The following FAM135B variants were observed in gnomAD, a reference collection of about 807,000 sequenced individuals.
FAM135B encodes protein FAM135B.
FAM135B carries 43 observed loss-of-function variants against 127.7 expected under a neutral mutation model. The observed-to-expected ratio is 0.34, with a 90% CI of 0.26 to 0.43. FAM135B has a LOEUF of 0.43. FAM135B is among the 20% of genes least tolerant of loss of function. FAM135B has a pLI of 1.00. For missense variants in FAM135B, 1,558 were observed against 1,725.6 expected (o/e 0.90, Z 1.72); for synonymous variants, 670 against 665.1 (o/e 1.01, Z -0.11).
chr8:138,424,580 C>A (rs561162266), intron 1 of FAM135B, among the ~76,000 whole-genome samples: 14 of 152,294 alleles, frequency 9.2e-5, no homozygotes, highest in African/African-American at 3.4e-4. Context: ...TGAATATTTA[C>A]AACTTCCCAG....
intron 3 of FAM135B, among the ~76,000 whole-genome samples, chr8:138,299,684 T>C (rs1825737815): frequency 6.6e-6 from 1 of 152,126 alleles, no homozygotes; most frequent in African/African-American, 2.4e-5. Context: ...AAAATGATAG[T>C]CCATTGGTCT....
At chr8:138,171,698 G>A (rs2130927167) in intron 11 of FAM135B, among the ~76,000 whole-genome samples, 1 of 152,282 alleles carries the variant, frequency 6.6e-6, no homozygotes, top group Non-Finnish European at 1.5e-5. Context: ...TTTTGAGTCT[G>A]GACTCTATGT....
At position 138,152,375 on chromosome 8, in the gene FAM135B, G is replaced by T. The variant is rs2130767061; in HGVS notation, c.2100C>A (p.Ala700=). 1 of 1,614,160 alleles carries T rather than the reference G, an allele frequency of 6.2e-7. No homozygotes were observed. The highest frequency in any genetic ancestry group is 8.5e-7 in the Non-Finnish European group (1 of 1,180,034). ...TGGGCAACTCCAGAGCCCTGCTTCGGGCCTCTGACCAGGCGACGGAGCTTG... is the reference window on the plus strand; with the variant it reads ...TGGGCAACTCCAGAGCCCTGCTTCGTGCCTCTGACCAGGCGACGGAGCTTG... The part of the protein sequence containing the change: ...SEPSSVAWSE[A]RSRALELPSD... The change falls in exon 13 of 20, where the codon GCC becomes GCA. Residue 700 remains alanine (A), a synonymous_variant. Coordinates refer to ENST00000395297, the MANE Select transcript of FAM135B (RefSeq NM_015912.4).
At chr8:138,439,167 T>G (rs181470952) in intron 1 of FAM135B, 4 of 152,308 alleles carry the variant, frequency 2.6e-5, no homozygotes, top group Admixed American at 2.6e-4. Flanking sequence ...AAGTTTCTGG[T>G]GTGTATATAC....
At chr8:138,200,050 G>T (rs923334398) in intron 7 of FAM135B, among the ~76,000 whole-genome samples, 1 of 152,218 alleles carries the variant, frequency 6.6e-6, no homozygotes, top group Non-Finnish European at 1.5e-5. Context: ...TCCCAGTAGT[G>T]TGAGGAATGA....
intron 2 of FAM135B, among the ~76,000 whole-genome samples, chr8:138,361,833 A>C (rs1472215639): frequency 6.6e-6 from 1 of 151,976 alleles, no homozygotes; most frequent in Non-Finnish European, 1.5e-5. Context: ...CTCTGCTGTT[A>C]TTTCACTCCG....
At chr8:138,494,385 A>T (rs1051153198) in intron 1 of FAM135B, among the ~76,000 whole-genome samples, 7 of 152,228 alleles carry the variant, frequency 4.6e-5, no homozygotes, top group African/African-American at 1.4e-4. Flanking sequence ...TATCATTGGG[A>T]AGCATCAAAT....
intron 7 of FAM135B, among the ~76,000 whole-genome samples, chr8:138,219,523 T>C (rs1818859294): frequency 6.6e-6 from 1 of 152,138 alleles, no homozygotes; most frequent in African/African-American, 2.4e-5. Context: ...GTGAGGATCA[T>C]AAAATCTGCG....
chr8:138,491,925 G>C (rs1052458485), intron 1 of FAM135B, among the ~76,000 whole-genome samples: 1 of 152,190 alleles, frequency 6.6e-6, no homozygotes, highest in African/African-American at 2.4e-5. Context: ...GGGTAGAGGT[G>C]AGTGGCTGTG....
chr8:138,269,402 A>G (rs985654677), intron 3 of FAM135B, among the ~76,000 whole-genome samples: 4 of 152,216 alleles, frequency 2.6e-5, no homozygotes, highest in Non-Finnish European at 5.9e-5. Flanking sequence ...GAACATAGCC[A>G]TGGCTCTGCC....
intron 11 of FAM135B, among the ~76,000 whole-genome samples, chr8:138,170,841 G>A (rs1449445273): frequency 1.3e-5 from 2 of 152,124 alleles, no homozygotes; most frequent in African/African-American, 2.4e-5. Context: ...TAATGTGGGT[G>A]GCACCATCCA....
At chr8:138,278,443 T>G (rs543606194) in intron 3 of FAM135B, among the ~76,000 whole-genome samples, 8 of 151,888 alleles carry the variant, frequency 5.3e-5, no homozygotes, top group Admixed American at 5.2e-4. Flanking sequence ...GTTTGCTCAA[T>G]TAAACAGATG....
chr8:138,174,900 T>C (rs1814298054), intron 11 of FAM135B, among the ~76,000 whole-genome samples: 1 of 152,192 alleles, frequency 6.6e-6, no homozygotes, highest in Non-Finnish European at 1.5e-5. Context: ...CACCAAAATA[T>C]AAGCTTAATG....
At position 138,168,015 on chromosome 8, in the gene FAM135B, G is replaced by A. The variant is rs370662790; in HGVS notation, c.1138C>T (p.Arg380Trp). The A allele has an allele frequency of 1.1e-5, 17 of 1,613,676 alleles. No homozygotes were observed. The highest frequency in any genetic ancestry group is 1.4e-5 in the Non-Finnish European group (17 of 1,179,740). ...QTHSQLSLDI[R>W]NSEYLTSMPP... ...ATGCTAGTGAGGTACTCCGAGTTCC[G>A]GATATCCAGGGACAGCTGGCTGTGC... The change falls in exon 12 of 20, where the codon CGG becomes TGG. Residue 380 changes from arginine (R) to tryptophan (W), a missense_variant. By Grantham distance (101) the Arg-to-Trp change is moderately radical. This residue lies in a region of FAM135B where 115 missense variants were observed against 171.1 expected (regional missense o/e 0.67). Coordinates refer to ENST00000395297, the MANE Select transcript of FAM135B (RefSeq NM_015912.4).
intron 4 of FAM135B, among the ~76,000 whole-genome samples, chr8:138,263,719 C>T (rs985878693): frequency 2.0e-5 from 3 of 152,114 alleles, no homozygotes; most frequent in Non-Finnish European, 4.4e-5. Context: ...AAACAGGGCA[C>T]ATGGTGGATG....
At chr8:138,199,831 G>A (rs1816969015) in intron 7 of FAM135B, among the ~76,000 whole-genome samples, 1 of 152,172 alleles carries the variant, frequency 6.6e-6, no homozygotes, top group African/African-American at 2.4e-5. Flanking sequence ...GGGGGAAACT[G>A]CCCCAATGAT....
chr8:138,139,018 T>C lies in FAM135B; in HGVS notation c.3869A>G (p.Lys1290Arg). The C allele has an allele frequency of 6.2e-7, 1 of 1,613,780 alleles. No individual in the cohort carries two copies. Among genetic ancestry groups the C allele is most frequent in the Non-Finnish European group, 8.5e-7 (1 of 1,179,702 alleles). ...TTGGCTTAGTTGGTAGAGGAAACAT[T>C]TGCGCAAATCAGCATTATCCCTGAA... ...LTFRDNADLR[K>R]CFLYQLSQKT... Residue 1290 changes from lysine (K) to arginine (R), a missense_variant, in exon 18 of 20, where the codon AAA (lysine) becomes AGA (arginine). Around this residue, in one of 5 missense-constraint regions of FAM135B, gnomAD observed 194 missense variants for 333.8 expected, o/e 0.58. Transcript: ENST00000395297.
intron 3 of FAM135B, among the ~76,000 whole-genome samples, chr8:138,301,191 T>C (rs537573096): frequency 6.6e-6 from 1 of 152,200 alleles, no homozygotes; most frequent in South Asian, 2.1e-4. Flanking sequence ...TGGACCCACA[T>C]GCTGTGGTTT....
chr8:138,309,599 G>A (rs548152530), intron 3 of FAM135B, among the ~76,000 whole-genome samples: 4 of 152,242 alleles, frequency 2.6e-5, no homozygotes, highest in African/African-American at 9.6e-5. Context: ...TGTCTTCCAT[G>A]GTAAATTTAA....
Sources: allele counts gnomAD v4.1 joint callset (sites outside exome capture counted in the v4.1 genomes callset), GRCh38; gene constraint gnomAD v4.1.1; regional missense constraint gnomAD v4.1.1; transcripts MANE v1.5; gene names NCBI Gene and HGNC (gene_info 2026-07-23, HGNC 2026-07-21).